The following DMD variants were observed in gnomAD, a reference collection of about 807,000 sequenced individuals.
DMD encodes mutant dystrophin.
In DMD, 63 loss-of-function variants were observed where a neutral mutation model predicts 330.1. That is an observed-to-expected ratio of 0.19 (90% confidence interval 0.16 to 0.24). The LOEUF (loss-of-function observed/expected upper bound fraction) is 0.24, where lower values mean the gene tolerates loss of function less well. DMD is among the 10% of genes least tolerant of loss of function. The pLI, the probability that DMD is intolerant of heterozygous loss-of-function variation, is 1.00. For missense variants in DMD, 3,344 were observed against 2,684.1 expected, an observed-to-expected ratio of 1.25 and a Z score of -5.43; for synonymous variants, 1,223 against 959.8, an observed-to-expected ratio of 1.27 and a Z score of -5.07.
At chrX:32,051,290 G>A (rs925444104) in intron 44 of DMD, among the ~76,000 whole-genome samples, 2 of 110,364 alleles carry the variant, frequency 1.8e-5, no homozygotes, top group Non-Finnish European at 3.8e-5. Flanking sequence ...AGCTGATGAA[G>A]AAAAAATAAC....
chrX:31,597,883 G>A (rs780895281), intron 55 of DMD, among the ~76,000 whole-genome samples: 1 of 111,408 alleles, frequency 9.0e-6, no homozygotes, highest in South Asian at 3.8e-4. Flanking sequence ...ATGATACATT[G>A]TGTTTATAAG....
chrX:32,690,593 A>T (rs112992994), intron 9 of DMD, among the ~76,000 whole-genome samples: 2 of 111,508 alleles, frequency 1.8e-5, no homozygotes, highest in African/African-American at 6.5e-5. Context: ...ATTTCAAAAT[A>T]TATTACTAAA....
At chrX:31,847,872 T>C (rs1569476645) in intron 48 of DMD, among the ~76,000 whole-genome samples, 1 of 112,003 alleles carries the variant, frequency 8.9e-6, no homozygotes, top group Non-Finnish European at 1.9e-5. Context: ...CATACACACA[T>C]ACACTCCTAC....
At chrX:31,146,725 T>A (rs2036744243) in intron 75 of DMD, among the ~76,000 whole-genome samples, 1 of 112,100 alleles carries the variant, frequency 8.9e-6, no homozygotes, top group East Asian at 2.8e-4. Context: ...CTATGTGAGA[T>A]CTCAAAACTG....
intron 44 of DMD, among the ~76,000 whole-genome samples, chrX:32,214,900 G>A (rs1421187934): frequency 8.9e-6 from 1 of 111,827 alleles, no homozygotes; most frequent in Non-Finnish European, 1.9e-5. Context: ...CACACTTAAT[G>A]AGGAGAAAAA....
At chrX:31,831,754 A>G (rs987391406) in intron 49 of DMD, among the ~76,000 whole-genome samples, 3 of 110,293 alleles carry the variant, frequency 2.7e-5, no homozygotes, top group Non-Finnish European at 3.8e-5. Flanking sequence ...GCCTGCCACC[A>G]AGCCCGGCTA....
At chrX:33,072,427 A>G (rs779438846) in intron 1 of DMD, among the ~76,000 whole-genome samples, 3 of 112,240 alleles carry the variant, frequency 2.7e-5, no homozygotes, top group Admixed American at 9.4e-5. Flanking sequence ...TCAAAAACCA[A>G]AAACAAACAA....
intron 62 of DMD, among the ~76,000 whole-genome samples, chrX:31,271,995 G>A (rs778743139): frequency 9.0e-6 from 1 of 111,207 alleles, no homozygotes; most frequent in Non-Finnish European, 1.9e-5. Flanking sequence ...CAGACACAGA[G>A]CACTTCACAC....
At chrX:31,610,242 A>G (rs79348303) in intron 55 of DMD, among the ~76,000 whole-genome samples, 1,830 of 112,286 alleles carry the variant, frequency 0.016, 23 homozygotes, top group East Asian at 0.1. Context: ...AAAAGTTCAA[A>G]TAAGTAAAAC....
intron 41 of DMD, among the ~76,000 whole-genome samples, chrX:32,313,587 A>C (rs2405691): frequency 0.52 from 56,955 of 109,920 alleles, 11,875 homozygotes; most frequent in South Asian, 0.76. Context: ...AAGATATTCA[A>C]ATAGGAAGAG....
intron 41 of DMD, among the ~76,000 whole-genome samples, chrX:32,315,696 C>T (rs768198333): frequency 2.2e-4 from 25 of 111,213 alleles, no homozygotes; most frequent in African/African-American, 7.8e-4. Flanking sequence ...CCTGGCTTCT[C>T]ATCTGTTAAG....
At chrX:32,893,959 G>A (rs2085458247) in intron 2 of DMD, among the ~76,000 whole-genome samples, 2 of 110,546 alleles carry the variant, frequency 1.8e-5, no homozygotes, top group Admixed American at 1.9e-4. Flanking sequence ...GCACTGGGTG[G>A]CCGGTGCCAT....
intron 12 of DMD, among the ~76,000 whole-genome samples, chrX:32,607,237 A>T (rs1345812877): frequency 9.1e-6 from 1 of 110,279 alleles, no homozygotes; most frequent in East Asian, 2.8e-4. Context: ...TGGTGAGGAA[A>T]TGCTTATTTT....
intron 43 of DMD, among the ~76,000 whole-genome samples, chrX:32,278,464 T>C (rs1428976066): frequency 9.1e-6 from 1 of 110,167 alleles, no homozygotes; most frequent in Admixed American, 9.7e-5. Flanking sequence ...TGGGAGAAAA[T>C]TTTCGCAACC....
At chrX:31,550,910 G>A (rs908365897) in intron 55 of DMD, among the ~76,000 whole-genome samples, 6 of 112,090 alleles carry the variant, frequency 5.4e-5, no homozygotes, top group Admixed American at 1.9e-4. Context: ...GCTGGGCGTG[G>A]TGGCTCATGC....
chrX:33,009,260 G>A (rs200996696), intron 2 of DMD, among the ~76,000 whole-genome samples: 549 of 25,828 alleles, frequency 0.021, 94 homozygotes, highest in African/African-American at 0.05. Context: ...ATATGTGTAT[G>A]TGTGTATATA....
At chrX:31,360,188 A>G (rs2148574489) in intron 60 of DMD, among the ~76,000 whole-genome samples, 1 of 111,898 alleles carries the variant, frequency 8.9e-6, no homozygotes, top group South Asian at 3.8e-4. Flanking sequence ...GTTTAAGAAT[A>G]GAGACTTCAT....
intron 51 of DMD, among the ~76,000 whole-genome samples, chrX:31,771,938 T>A (rs1234228213): frequency 2.7e-5 from 3 of 111,958 alleles, no homozygotes; most frequent in African/African-American, 9.7e-5. Flanking sequence ...CCCTAAATGC[T>A]GGACTCACAA....
At chrX:31,494,220 A>G (rs1322294453) in intron 57 of DMD, among the ~76,000 whole-genome samples, 3 of 109,288 alleles carry the variant, frequency 2.7e-5, no homozygotes, top group Non-Finnish European at 5.7e-5. Flanking sequence ...AAGGCTGGTC[A>G]TCCGGAAAAG....
Sources: allele counts gnomAD v4.1 joint callset (sites outside exome capture counted in the v4.1 genomes callset), GRCh38; gene constraint gnomAD v4.1.1; transcripts MANE v1.5; gene names NCBI Gene and HGNC (gene_info 2026-07-23, HGNC 2026-07-21).